SLC35D4: variants seen among roughly 807,000 people sequenced by gnomAD.
SLC35D4 encodes the protein solute carrier family 35 member D4.
At chr18:23,372,140 T>G in the SLC35D4 span, among the ~76,000 whole-genome samples, 2 of 149,722 alleles carry the variant, frequency 1.3e-5, no homozygotes, top group East Asian at 3.9e-4. Flanking sequence ...TTTCACCGTT[T>G]TTAGCCAGGA....
chr18:23,409,819 G>A, the SLC35D4 span, among the ~76,000 whole-genome samples: 1 of 147,526 alleles, frequency 6.8e-6, no homozygotes, highest in Non-Finnish European at 1.5e-5. Context: ...ACTCCAGCCT[G>A]GGCGACAGAG....
chr18:23,318,451 T>G, the SLC35D4 span, among the ~76,000 whole-genome samples: 1 of 152,242 alleles, frequency 6.6e-6, no homozygotes. Context: ...TTTTCTTTTG[T>G]TGCTTATGCT....
chr18:23,434,821 G>T, the SLC35D4 span, among the ~76,000 whole-genome samples: 1 of 149,498 alleles, frequency 6.7e-6, no homozygotes, highest in Non-Finnish European at 1.5e-5. Flanking sequence ...TTTATAAAAG[G>T]CCATGGGGCT....
chr18:23,271,832 G>A, the SLC35D4 span, among the ~76,000 whole-genome samples: 1 of 152,066 alleles, frequency 6.6e-6, no homozygotes, highest in African/African-American at 2.4e-5. Flanking sequence ...AAACCCAAAA[G>A]GATTGGGTTC....
chr18:23,411,483 T>TAGAAAGAAAGAAAGAA, the SLC35D4 span, among the ~76,000 whole-genome samples: 3,060 of 91,776 alleles, frequency 0.033, 171 homozygotes, highest in East Asian at 0.063. Context: ...AAGAAAGAGA[T>TAGAAAGAAAGAAAGAA]AGAAAGAAAG....
the SLC35D4 span, among the ~76,000 whole-genome samples, chr18:23,246,539 C>T: frequency 2.0e-5 from 3 of 151,848 alleles, no homozygotes; most frequent in South Asian, 2.1e-4. Flanking sequence ...CTACAGGCAC[C>T]CGCCACCACA....
the SLC35D4 span, among the ~76,000 whole-genome samples, chr18:23,329,153 C>T: frequency 1.3e-5 from 2 of 152,150 alleles, no homozygotes; most frequent in Admixed American, 6.5e-5. Flanking sequence ...TGGGCAAGGA[C>T]TTCATGACTA....
chr18:23,322,932 G>C, the SLC35D4 span, among the ~76,000 whole-genome samples: 1 of 152,112 alleles, frequency 6.6e-6, no homozygotes, highest in Admixed American at 6.6e-5. Flanking sequence ...ATTTAACTTA[G>C]TAAATGTACT....
At chr18:23,345,802 T>G in the SLC35D4 span, among the ~76,000 whole-genome samples, 92 of 151,954 alleles carry the variant, frequency 6.1e-4, no homozygotes, top group African/African-American at 2.1e-3. Flanking sequence ...AATATTGTAT[T>G]TCTTGATTTT....
the SLC35D4 span, among the ~76,000 whole-genome samples, chr18:23,369,241 T>G: frequency 1.3e-5 from 2 of 152,184 alleles, no homozygotes; most frequent in Non-Finnish European, 2.9e-5. Context: ...CAAAAGGTGC[T>G]CCAGGGAGTG....
chr18:23,374,105 C>G, the SLC35D4 span, among the ~76,000 whole-genome samples: 1 of 152,138 alleles, frequency 6.6e-6, no homozygotes, highest in Non-Finnish European at 1.5e-5. Context: ...TGCAGATCCC[C>G]AAAAATATAC....
chr18:23,368,582 G>A, the SLC35D4 span: 2 of 618,306 alleles, frequency 3.2e-6, no homozygotes, highest in African/African-American at 1.9e-5. Flanking sequence ...CCTCAACTCT[G>A]TCATCTCACA....
At chr18:23,304,707 G>GCCCCCCT in the SLC35D4 span, among the ~76,000 whole-genome samples, 1 of 152,034 alleles carries the variant, frequency 6.6e-6, no homozygotes, top group African/African-American at 2.4e-5. Context: ...AGAGGAAGAG[G>GCCCCCCT]GGGGAGGAAG....
chr18:23,373,628 G>A, the SLC35D4 span: 3 of 1,485,282 alleles, frequency 2.0e-6, no homozygotes, highest in Non-Finnish European at 2.8e-6. Flanking sequence ...CTTCTAAAAG[G>A]AAGGACTAGG....
At chr18:23,431,054 T>A in the SLC35D4 span, among the ~76,000 whole-genome samples, 3 of 144,994 alleles carry the variant, frequency 2.1e-5, no homozygotes, top group African/African-American at 7.8e-5. Context: ...CTCAGGAGGC[T>A]GAGGCAGAAG....
chr18:23,394,173 C>T, the SLC35D4 span, among the ~76,000 whole-genome samples: 7 of 152,326 alleles, frequency 4.6e-5, no homozygotes, highest in East Asian at 5.8e-4. Context: ...CATTCCCACC[C>T]GTGGTGCTCA....
At chr18:23,340,283 C>T in the SLC35D4 span, among the ~76,000 whole-genome samples, 3 of 151,980 alleles carry the variant, frequency 2.0e-5, no homozygotes, top group African/African-American at 7.3e-5. Flanking sequence ...GATACAGTTG[C>T]ATGATGGCAT....
chr18:23,328,691 T>C, the SLC35D4 span, among the ~76,000 whole-genome samples: 12 of 152,080 alleles, frequency 7.9e-5, no homozygotes, highest in Non-Finnish European at 5.9e-5. Flanking sequence ...CTTCACAGAA[T>C]TGGAAAAAAA....
the SLC35D4 span, among the ~76,000 whole-genome samples, chr18:23,321,930 A>G: frequency 6.6e-6 from 1 of 152,212 alleles, no homozygotes; most frequent in South Asian, 2.1e-4. Context: ...AGGGTTTCAG[A>G]TAAAATGTAA....
Sources: gnomAD v4.1 joint callset for allele counts (sites outside exome capture counted in the v4.1 genomes callset) on GRCh38, gnomAD v4.1.1 for gene constraint, MANE v1.5 for transcripts, NCBI Gene and HGNC (gene_info 2026-07-23, HGNC 2026-07-21) for gene names.